The following MGAT5 variants were observed in gnomAD, a reference collection of about 807,000 sequenced individuals.
MGAT5 encodes alpha-1,6-mannosylglycoprotein 6-beta-N-acetylglucosaminyltransferase A.
A neutral mutation model predicts 94.3 loss-of-function variants in MGAT5; 30 were observed. The observed-to-expected ratio is 0.32, with a 90% CI of 0.24 to 0.43. The LOEUF is 0.43. Ranked by LOEUF, MGAT5 falls within the 20% of genes least tolerant of loss-of-function variation. The pLI, the probability that MGAT5 is intolerant of heterozygous loss-of-function variation, is 1.00. For missense variants in MGAT5, 691 were observed against 905.5 expected (o/e 0.76, Z 3.04); for synonymous variants, 310 against 322.9 (o/e 0.96, Z 0.43).
intron 1 of MGAT5, among the ~76,000 whole-genome samples, chr2:134,261,063 A>G (rs1268795513): frequency 6.6e-6 from 1 of 152,166 alleles, no homozygotes; most frequent in Admixed American, 6.5e-5. Context: ...GGTCTGAGGA[A>G]GACCTCAGAA....
intron 12 of MGAT5, among the ~76,000 whole-genome samples, chr2:134,418,534 G>A (rs140724486): frequency 2.9e-3 from 435 of 152,326 alleles, no homozygotes; most frequent in African/African-American, 1.0e-2. Flanking sequence ...GCTGCACTGG[G>A]AGAATTCATC....
intron 10 of MGAT5, among the ~76,000 whole-genome samples, chr2:134,385,906 A>T (rs1304390772): frequency 6.6e-6 from 1 of 152,176 alleles, no homozygotes. Context: ...AGGGCATATA[A>T]AATAAGGTCA....
At chr2:134,392,713 G>T (rs1055554540) in intron 10 of MGAT5, among the ~76,000 whole-genome samples, 1 of 152,244 alleles carries the variant, frequency 6.6e-6, no homozygotes, top group African/African-American at 2.4e-5. Flanking sequence ...GAAGCCATGG[G>T]TATTAATGCA....
In MGAT5 at chr2:134,156,657, C is replaced by T. The variant is rs147168114; in HGVS notation, c.-143+36366C>T. On this transcript the variant is annotated intron_variant, in intron 1 of 16. Transcript: ENST00000409645. The stretch of plus-strand genomic sequence containing the variant: ...GGCACTCTTGAGTTGGCTCCCTGTG[C>T]CCCTTTTACCTGACGAGAGCCACGA... Among the ~76,000 whole-genome samples, 1,130 of 152,306 alleles carry T rather than the reference C, an allele frequency of 7.4e-3. 11 individuals carry two copies. The highest frequency in any genetic ancestry group is 0.025 in the African/African-American group (1,036 of 41,556).
At chr2:134,346,939 A>G (rs769773485) in intron 8 of MGAT5, among the ~76,000 whole-genome samples, 5 of 152,152 alleles carry the variant, frequency 3.3e-5, no homozygotes, top group Admixed American at 6.5e-5. Context: ...CATCCATTTC[A>G]TAGTAGTGTG....
At chr2:134,372,937 G>A (rs762608822) in intron 10 of MGAT5, among the ~76,000 whole-genome samples, 3 of 152,224 alleles carry the variant, frequency 2.0e-5, no homozygotes, top group Non-Finnish European at 4.4e-5. Context: ...GGCTCAGGCA[G>A]CCAGTGAACA....
chr2:134,422,249 C>G (rs1574067570), intron 12 of MGAT5, among the ~76,000 whole-genome samples: 1 of 152,186 alleles, frequency 6.6e-6, no homozygotes, highest in Middle Eastern at 3.4e-3. Context: ...AAAATAAAAC[C>G]CCCTTTAGGA....
At chr2:134,170,438 A>T (rs1428696133) in intron 1 of MGAT5, among the ~76,000 whole-genome samples, 2 of 152,232 alleles carry the variant, frequency 1.3e-5, no homozygotes, top group African/African-American at 4.8e-5. Context: ...CTGTGGGTTG[A>T]GCCTGTTCTC....
chr2:134,250,887 C>T (rs563246333), upstream of MGAT5, among the ~76,000 whole-genome samples: 1 of 152,264 alleles, frequency 6.6e-6, no homozygotes, highest in South Asian at 2.1e-4. Flanking sequence ...TGTGTCTGAC[C>T]TTCTCCAAGG....
At chr2:134,269,090 A>C (rs569020775) in intron 1 of MGAT5, among the ~76,000 whole-genome samples, 25 of 152,204 alleles carry the variant, frequency 1.6e-4, no homozygotes, top group Non-Finnish European at 3.7e-4. Context: ...TGTGAAGATA[A>C]AACAGTTGTC....
chr2:134,248,696 GTGAAT>G (rs1393030887), intron 1 of MGAT5, among the ~76,000 whole-genome samples: 5 of 152,206 alleles, frequency 3.3e-5, no homozygotes, highest in Non-Finnish European at 5.9e-5. Flanking sequence ...ATGTGAATGT[GTGAAT>G]GTGGCGCATG....
intron 10 of MGAT5, among the ~76,000 whole-genome samples, chr2:134,372,413 T>G (rs1391680377): frequency 6.6e-6 from 1 of 152,238 alleles, no homozygotes; most frequent in African/African-American, 2.4e-5. Flanking sequence ...TCAAGAATGC[T>G]TATCTTTTAA....
chr2:134,225,077 CAAAAAA>C lies in MGAT5; in HGVS notation c.-142-29165_-142-29160del, dbSNP rs1167660901. 7.3e-5 allele frequency among the ~76,000 whole-genome samples: 5 copies of C among 68,240 alleles called. No individual in the cohort carries two copies. In the East Asian group the frequency reaches 1.1e-3, roughly 16 times the overall value. 44.8% of individuals were successfully genotyped at this position (68,240 alleles called of 152,430 possible). ...GGTGACAGAGTGAGACCCTGTCTCACAAAAAAAAAAAAAAAAAAAAAAAAATGCGGT... is the reference window on the plus strand; with the variant it reads ...GGTGACAGAGTGAGACCCTGTCTCACAAAAAAAAAAAAAAAAAAATGCGGT... On this transcript the variant is annotated intron_variant, in intron 1 of 16. Transcript: ENST00000409645.
chr2:134,423,720 C>T (rs746552592), intron 13 of MGAT5, among the ~76,000 whole-genome samples: 21 of 152,174 alleles, frequency 1.4e-4, no homozygotes, highest in Admixed American at 9.2e-4. Context: ...CACTTACTAG[C>T]AGCTTCCCCT....
intron 2 of MGAT5, among the ~76,000 whole-genome samples, chr2:134,311,936 A>G (rs1397924856): frequency 6.6e-6 from 1 of 152,214 alleles, no homozygotes; most frequent in Non-Finnish European, 1.5e-5. Context: ...GCAGTGGGAC[A>G]GTTAACAAAT....
At chr2:134,127,896 T>C (rs927841544) in intron 1 of MGAT5, among the ~76,000 whole-genome samples, 1 of 152,158 alleles carries the variant, frequency 6.6e-6, no homozygotes, top group Non-Finnish European at 1.5e-5. Flanking sequence ...GATTTTGAGG[T>C]TCCGTTTGGT....
chr2:134,257,873 T>TGTGCA (rs1683077791), intron 1 of MGAT5, among the ~76,000 whole-genome samples: 2 of 134,628 alleles, frequency 1.5e-5, no homozygotes, highest in South Asian at 4.9e-4. Flanking sequence ...ATGCAGCCTA[T>TGTGCA]GTGCAGTGCA....
intron 2 of MGAT5, among the ~76,000 whole-genome samples, chr2:134,271,903 T>C (rs1178034463): frequency 6.6e-6 from 1 of 152,188 alleles, no homozygotes; most frequent in Non-Finnish European, 1.5e-5. Context: ...CTGTACCCTG[T>C]AGAAAATGCT....
chr2:134,146,208 A>G (rs1173850661), intron 1 of MGAT5, among the ~76,000 whole-genome samples: 1 of 152,158 alleles, frequency 6.6e-6, no homozygotes, highest in African/African-American at 2.4e-5. Context: ...TATACCTCCT[A>G]CCCCATTGCA....
Sources: gnomAD v4.1 joint callset for allele counts (sites outside exome capture counted in the v4.1 genomes callset) on GRCh38, gnomAD v4.1.1 for gene constraint, MANE v1.5 for transcripts, NCBI Gene and HGNC (gene_info 2026-07-23, HGNC 2026-07-21) for gene names.